TNKS2: variants seen among roughly 807,000 people sequenced by gnomAD.
The protein encoded by TNKS2 is poly [ADP-ribose] polymerase tankyrase-2.
A neutral mutation model predicts 137.6 loss-of-function variants in TNKS2; 72 were observed. The ratio of observed to expected loss-of-function variants is 0.52; its 90% confidence interval spans 0.43 to 0.64. The LOEUF (loss-of-function observed/expected upper bound fraction) is 0.64, where lower values mean the gene tolerates loss of function less well. TNKS2 is among the 30% of genes least tolerant of loss of function. The probability of loss-of-function intolerance (pLI) is 0.00; values close to 1 mark genes in which losing one functional copy is unlikely to be tolerated. For synonymous variants in TNKS2, 516 were observed against 512.1 expected, an observed-to-expected ratio of 1.01 and a Z score of -0.10; for missense variants, 1,049 against 1,410.2, an observed-to-expected ratio of 0.74 and a Z score of 4.10.
Position 91,798,491 on chromosome 10 carries a change from G to A in TNKS2, c.-200G>A. 2.0e-6 allele frequency: 1 copy of A among 494,042 alleles called. No homozygotes were observed. The highest frequency in any genetic ancestry group is 3.0e-6 in the Non-Finnish European group (1 of 334,448). The allele number at this position is 494,042 out of a possible 1,614,324, so 30.6% of individuals were successfully genotyped here. A position where few individuals can be genotyped will look rare whatever the true frequency, so the allele number is the denominator to read the frequency against. Reference sequence around the variant, plus strand: ...TTCGCGCTGCCTCCGCCGCCGCGGGGCAGCCGGGGGGCAGGGAGCCCAGCG... The same window carrying A: ...TTCGCGCTGCCTCCGCCGCCGCGGGACAGCCGGGGGGCAGGGAGCCCAGCG... On this transcript the variant is annotated 5_prime_UTR_variant, in exon 1 of 27. Coordinates refer to ENST00000371627, the MANE Select transcript of TNKS2 (RefSeq NM_025235.4).
At chr10:91,848,865 C>G (rs1842460952) in intron 19 of TNKS2, among the ~76,000 whole-genome samples, 1 of 152,156 alleles carries the variant, frequency 6.6e-6, no homozygotes, top group South Asian at 2.1e-4. Flanking sequence ...AGATGGAGTT[C>G]TGCTTTTGTC....
chr10:91,809,589 C>T (rs996382880), intron 1 of TNKS2, among the ~76,000 whole-genome samples: 2 of 151,598 alleles, frequency 1.3e-5, no homozygotes, highest in Non-Finnish European at 2.9e-5. Context: ...TGGCGTGAAC[C>T]TGGGAGGCGG....
Position 91,841,341 on chromosome 10 carries a change from CT to C in TNKS2, c.1734del (p.Val579LeufsTer6). 1 of 1,604,574 alleles carries C rather than the reference CT, an allele frequency of 6.2e-7. No individual in the cohort carries two copies. The highest frequency in any genetic ancestry group is 1.3e-5 in the African/African-American group (1 of 74,528). On this transcript the variant is annotated frameshift_variant, in exon 15 of 27. Coordinates refer to ENST00000371627, the MANE Select transcript of TNKS2 (RefSeq NM_025235.4). LOFTEE classifies it high-confidence loss of function. ...SYGHYEVAEL[L>X]VKHGAVVNVA... Reference sequence around the variant, plus strand: ...TGGACATTATGAAGTTGCAGAACTTCTTGTTAAACATGGAGCAGTAGTTAAT... The same window carrying C: ...TGGACATTATGAAGTTGCAGAACTTCTGTTAAACATGGAGCAGTAGTTAAT...
rs1326797785 is a variant in TNKS2, at chr10:91,840,339, CA to C, written c.1528-215del. Among the ~76,000 whole-genome samples, 4 of 149,836 alleles carry C rather than the reference CA, an allele frequency of 2.7e-5. No individual in the cohort carries two copies. In the East Asian group the frequency reaches 7.8e-4, roughly 29 times the overall value. ...TGGGTAAGAGAGCTAGACTCTGTCTCAAAAAAATAATAAGACAAAAAAAAAG... is the reference window on the plus strand; with the variant it reads ...TGGGTAAGAGAGCTAGACTCTGTCTCAAAAAATAATAAGACAAAAAAAAAG... On this transcript the variant is annotated intron_variant, in intron 13 of 26. Coordinates refer to ENST00000371627, the MANE Select transcript of TNKS2 (RefSeq NM_025235.4).
chr10:91,860,364 C>T (rs545188298), intron 25 of TNKS2, among the ~76,000 whole-genome samples: 1 of 152,300 alleles, frequency 6.6e-6, no homozygotes, highest in East Asian at 1.9e-4. Flanking sequence ...CATTAGCATG[C>T]ATTAGAGTCA....
chr10:91,833,921 C>G lies in TNKS2; in HGVS notation c.1344C>G (p.Thr448=). 6.2e-7 allele frequency: 1 copy of G among 1,613,922 alleles called. No homozygotes were observed. ...HRAAYCGHLQ[T]CRLLLSYGCD... is the part of the protein sequence containing the mutation. ...CTGCATATTGTGGTCATCTACAAAC[C>G]TGCCGCCTACTCCTGAGCTATGGGT... Residue 448 remains threonine, a synonymous_variant, in exon 12 of 27, where the codon ACC becomes ACG. Coordinates refer to ENST00000371627, the MANE Select transcript of TNKS2 (RefSeq NM_025235.4).
chr10:91,855,903 C>T (rs1200196802), intron 23 of TNKS2, among the ~76,000 whole-genome samples: 4 of 152,108 alleles, frequency 2.6e-5, no homozygotes, highest in East Asian at 1.9e-4. Context: ...TCTTGTTGAA[C>T]ATATTCAAGT....
At chr10:91,831,203 C>A in intron 11 of TNKS2, 22 bp downstream of exon 11, 1 of 1,599,892 alleles carries the variant, frequency 6.3e-7, no homozygotes, top group South Asian at 1.1e-5. Flanking sequence ...TTTTGGTAAT[C>A]TTTGGTAATC....
At chr10:91,833,720 C>G (rs1476078082) in intron 11 of TNKS2, 133 bp from the exon 12 acceptor site, 1 of 645,106 alleles carries the variant, frequency 1.6e-6, no homozygotes, top group Non-Finnish European at 2.3e-6. Context: ...AGCAAAAATA[C>G]TTGCTTTGGC....
At chr10:91,814,758 G>A (rs753725799) in intron 2 of TNKS2, among the ~76,000 whole-genome samples, 16 of 152,324 alleles carry the variant, frequency 1.1e-4, no homozygotes, top group South Asian at 1.0e-3. Context: ...ATACCATGTA[G>A]CCTAGGTGTT....
intron 23 of TNKS2, among the ~76,000 whole-genome samples, chr10:91,856,267 C>T (rs1230155147): frequency 6.6e-6 from 1 of 152,130 alleles, no homozygotes; most frequent in Non-Finnish European, 1.5e-5. Flanking sequence ...ATCAAAACTG[C>T]ACACCATACT....
At position 91,840,664 on chromosome 10, in the gene TNKS2, A is replaced by T. The variant is rs1316069602; in HGVS notation, c.1631A>T (p.Tyr544Phe). 6.2e-7 allele frequency: 1 copy of T among 1,614,184 alleles called. No homozygotes were observed. Among genetic ancestry groups the T allele is most frequent in the South Asian group, 1.1e-5 (1 of 91,082 alleles). Residue 544 changes from tyrosine to phenylalanine, a missense_variant, in exon 14 of 27, where the codon TAT becomes TTT. Coordinates refer to ENST00000371627, the MANE Select transcript of TNKS2 (RefSeq NM_025235.4). The part of the protein sequence containing the change: ...AGYNRVSVVE[Y>F]LLQHGADVHA... ...TATAACAGAGTGTCCGTGGTGGAAT[A>T]TCTGCTACAGCATGGAGCTGATGTG...
chr10:91,825,906 G>C (rs1215507065), intron 7 of TNKS2, among the ~76,000 whole-genome samples: 2 of 152,240 alleles, frequency 1.3e-5, no homozygotes, highest in Non-Finnish European at 2.9e-5. Flanking sequence ...AGCCACATTA[G>C]AAGACTCTTT....
chr10:91,836,429 T>C (rs892509638), intron 12 of TNKS2, among the ~76,000 whole-genome samples: 1 of 152,206 alleles, frequency 6.6e-6, no homozygotes, highest in African/African-American at 2.4e-5. Flanking sequence ...AGCTGTAAAC[T>C]TAGAATTTCA....
At chr10:91,842,766 A>G (rs1351493051) in intron 16 of TNKS2, among the ~76,000 whole-genome samples, 1 of 131,854 alleles carries the variant, frequency 7.6e-6, no homozygotes, top group Non-Finnish European at 1.6e-5. Flanking sequence ...CCCTGTCTCA[A>G]AAAATAAAAA....
chr10:91,863,402 AAAT>A lies in TNKS2; in HGVS notation c.*406_*408del, dbSNP rs1842903257. The stretch of plus-strand genomic sequence containing the variant: ...AATACAATTTCATTTGTAAAACTGT[AAAT>A]AAGAGCTTTTGTACTAGCCCAGTAT... On this transcript the variant is annotated 3_prime_UTR_variant, in exon 27 of 27. Transcript: ENST00000371627. 6.5e-6 allele frequency: 1 copy of A among 154,550 alleles called. No homozygotes were observed. The highest frequency in any genetic ancestry group is 1.4e-5 in the Non-Finnish European group (1 of 69,412). The allele number at this position is 154,550 out of a possible 1,614,324, so 9.6% of individuals were successfully genotyped here.
chr10:91,809,050 A>AG (rs1156326159), intron 1 of TNKS2, among the ~76,000 whole-genome samples: 3 of 152,170 alleles, frequency 2.0e-5, no homozygotes, highest in African/African-American at 7.2e-5. Context: ...GAATGGAACT[A>AG]GTTACATTTT....
At chr10:91,851,151 A>G in intron 20 of TNKS2, 65 bp from the exon 21 acceptor site, 2 of 1,562,050 alleles carry the variant, frequency 1.3e-6, no homozygotes, top group East Asian at 4.5e-5. Flanking sequence ...TATTATGAAA[A>G]CACCAATATA....
chr10:91,822,282 C>T lies in TNKS2; in HGVS notation c.729-14C>T, dbSNP rs368300108. On this transcript the variant is annotated splice_polypyrimidine_tract_variant and intron_variant, in intron 6 of 26. Transcript: ENST00000371627. Reference sequence around the variant, plus strand: ...CTATACTGAAACAGGATTTTCCCCCCCTTCTCATTGTAGTGATCTGGTACC... The same window carrying T: ...CTATACTGAAACAGGATTTTCCCCCTCTTCTCATTGTAGTGATCTGGTACC... The T allele has an allele frequency of 3.4e-5, 55 of 1,599,168 alleles. No individual in the cohort carries two copies. Among genetic ancestry groups the T allele is most frequent in the Non-Finnish European group, 4.5e-5 (53 of 1,172,210 alleles).
Sources: gnomAD v4.1 joint callset for allele counts (sites outside exome capture counted in the v4.1 genomes callset) on GRCh38, gnomAD v4.1.1 for gene constraint, MANE v1.5 for transcripts, NCBI Gene and HGNC (gene_info 2026-07-23, HGNC 2026-07-21) for gene names.